PIKFYVE: variants seen among roughly 807,000 people sequenced by gnomAD.
PIKFYVE encodes the protein 1-phosphatidylinositol 3-phosphate 5-kinase.
A neutral mutation model predicts 257.9 loss-of-function variants in PIKFYVE; 122 were observed. The observed-to-expected ratio is 0.47, with a 90% CI of 0.41 to 0.55. PIKFYVE has a LOEUF of 0.55. Ranked by LOEUF, PIKFYVE falls within the 20% of genes least tolerant of loss-of-function variation. PIKFYVE has a pLI of 0.00. For missense variants in PIKFYVE, 2,160 were observed against 2,536.6 expected (o/e 0.85, Z 3.19); for synonymous variants, 892 against 868.9 (o/e 1.03, Z -0.47).
chr2:208,297,170 G>C (rs953206079), intron 7 of PIKFYVE, among the ~76,000 whole-genome samples: 1 of 152,098 alleles, frequency 6.6e-6, no homozygotes, highest in African/African-American at 2.4e-5. Context: ...CAGTATTCTT[G>C]CTACTAGGCT....
chr2:208,288,924 C>G lies in PIKFYVE; in HGVS notation c.911+106C>G, dbSNP rs201481407. On this transcript the variant is annotated intron_variant, in intron 7 of 41. Coordinates refer to ENST00000264380, the MANE Select transcript of PIKFYVE (RefSeq NM_015040.4). ...GGTGGGATTGATTGTCATATACTTC[C>G]GTAGCTCTAAAAGCTGAATTAAACT... 2.2e-6 allele frequency: 3 copies of G among 1,368,296 alleles called. No individual in the cohort carries two copies. The East Asian group carries it at 7.0e-5, about 32-fold the overall frequency. 84.8% of individuals were successfully genotyped at this position (1,368,296 alleles called of 1,614,324 possible).
chr2:208,288,875 T>C, intron 7 of PIKFYVE, 57 bp downstream of exon 7: 2 of 1,594,482 alleles, frequency 1.3e-6, no homozygotes, highest in Non-Finnish European at 1.7e-6. Context: ...TTCATGCTAA[T>C]AAGAAGAACA....
chr2:208,338,682 T>C, intron 29 of PIKFYVE, 114 bp downstream of exon 29: 1 of 974,886 alleles, frequency 1.0e-6, no homozygotes, highest in Non-Finnish European at 1.6e-6. Context: ...CATAGACTTC[T>C]TTTCCTTCCT....
At chr2:208,280,935 G>A (rs180743723) in intron 5 of PIKFYVE, among the ~76,000 whole-genome samples, 2 of 152,202 alleles carry the variant, frequency 1.3e-5, no homozygotes, top group African/African-American at 2.4e-5. Flanking sequence ...TGTCTTTGGC[G>A]ACTAAAGTGC....
chr2:208,357,182 A>C lies in PIKFYVE; in HGVS notation c.*1877A>C, dbSNP rs549890331. 1 of 152,370 alleles carries C rather than the reference A, an allele frequency of 6.6e-6. No homozygotes were observed. The highest frequency in any genetic ancestry group is 1.9e-4 in the East Asian group (1 of 5,190). The allele number at this position is 152,370 out of a possible 1,614,324, so 9.4% of individuals were successfully genotyped here. The stretch of plus-strand genomic sequence containing the variant: ...TATTAAAGGAGCTGTACAGAGGTAA[A>C]AAAATAAATGTGGAACATTATTAAC... On this transcript the variant is annotated 3_prime_UTR_variant, in exon 42 of 42. Coordinates refer to ENST00000264380, the MANE Select transcript of PIKFYVE (RefSeq NM_015040.4).
At chr2:208,317,399 T>C (rs1043898481) in intron 15 of PIKFYVE, among the ~76,000 whole-genome samples, 1 of 148,708 alleles carries the variant, frequency 6.7e-6, no homozygotes, top group Non-Finnish European at 1.5e-5. Context: ...TCACTGGCCA[T>C]CAGAGAAATG....
intron 4 of PIKFYVE, 36 bp downstream of exon 4, chr2:208,276,866 G>A (rs1475554950): frequency 2.0e-6 from 3 of 1,537,500 alleles, no homozygotes; most frequent in Admixed American, 3.4e-5. Context: ...TACTTATTAA[G>A]CGCTTATGGG....
intron 37 of PIKFYVE, 87 bp from the exon 38 acceptor site, chr2:208,351,265 C>G: frequency 8.9e-7 from 1 of 1,128,236 alleles, no homozygotes; most frequent in Admixed American, 1.8e-5. Flanking sequence ...ATAAAACAAC[C>G]TAATCATTTA....
chr2:208,337,083 C>T (rs1005346840), intron 28 of PIKFYVE, among the ~76,000 whole-genome samples, 155 bp downstream of exon 28: 1 of 151,990 alleles, frequency 6.6e-6, no homozygotes, highest in African/African-American at 2.4e-5. Flanking sequence ...GAACTATGAC[C>T]TGGATTACTT....
In PIKFYVE at chr2:208,300,787, A is replaced by G. The variant is rs536474999; in HGVS notation, c.1051-150A>G. 1,183 of 928,856 alleles carry G rather than the reference A, an allele frequency of 1.3e-3. 3 individuals are homozygous for G. The highest frequency in any genetic ancestry group is 1.9e-3 in the Non-Finnish European group (1,115 of 599,082). The allele number at this position is 928,856 out of a possible 1,614,324, so 57.5% of individuals were successfully genotyped here. Reference sequence around the variant, plus strand: ...CAGAGTTCAAGCTGTTCCCACGTATATGACATTTGTATTAAATTGTGTGAG... The same window carrying G: ...CAGAGTTCAAGCTGTTCCCACGTATGTGACATTTGTATTAAATTGTGTGAG... On this transcript the variant is annotated intron_variant, in intron 8 of 41. Coordinates refer to ENST00000264380, the MANE Select transcript of PIKFYVE (RefSeq NM_015040.4).
intron 24 of PIKFYVE, 74 bp downstream of exon 24, chr2:208,333,567 C>T (rs569189622): frequency 6.8e-7 from 1 of 1,469,172 alleles, no homozygotes; most frequent in East Asian, 2.3e-5. Flanking sequence ...ACATTTTCAC[C>T]ATTACTAGAT....
In PIKFYVE at chr2:208,353,922, A is replaced by G; in HGVS notation, c.5869A>G (p.Arg1957Gly). 1 of 1,613,956 alleles carries G rather than the reference A, an allele frequency of 6.2e-7. No individual in the cohort carries two copies. Among genetic ancestry groups the G allele is most frequent in the Non-Finnish European group, 8.5e-7 (1 of 1,179,940 alleles). ...GGTTTTTGATTTGAAGGGCTCTCTT[A>G]GGAATCGGAATGTAAAAACTGACAC... ...AQVFDLKGSL[R>G]NRNVKTDTGK... The change falls in exon 40 of 42, where the codon AGG becomes GGG. Residue 1957 changes from arginine to glycine, a missense_variant. Arg to Gly is a moderately radical substitution (Grantham distance 125). Around this residue, in one of 12 missense-constraint regions of PIKFYVE, gnomAD observed 699 missense variants for 855.8 expected, o/e 0.82. Coordinates refer to ENST00000264380, the MANE Select transcript of PIKFYVE (RefSeq NM_015040.4).
chr2:208,348,055 T>C lies in PIKFYVE; in HGVS notation c.5374+32T>C, dbSNP rs750368501. ...TAAAGAAGAGTAAATGTGCTTATTC[T>C]ATGCTTTGATTTATTTATTTTAGTT... On this transcript the variant is annotated intron_variant, in intron 35 of 41. Transcript: ENST00000264380. The C allele has an allele frequency of 1.9e-6, 3 of 1,607,604 alleles. No homozygotes were observed. The South Asian group carries it at 3.3e-5, about 18-fold the overall frequency.
chr2:208,282,891 A>G (rs765830367), intron 5 of PIKFYVE, among the ~76,000 whole-genome samples: 1 of 152,048 alleles, frequency 6.6e-6, no homozygotes, highest in Non-Finnish European at 1.5e-5. Flanking sequence ...CAGGCATTAG[A>G]TTCTCGTAAG....
chr2:208,342,322 C>A (rs1698787916), intron 31 of PIKFYVE, among the ~76,000 whole-genome samples: 1 of 152,038 alleles, frequency 6.6e-6, no homozygotes, highest in Non-Finnish European at 1.5e-5. Context: ...ATTAGTGTGG[C>A]CAGAGTCTTG....
chr2:208,290,220 T>C (rs1341854581), intron 7 of PIKFYVE, among the ~76,000 whole-genome samples: 5 of 152,244 alleles, frequency 3.3e-5, no homozygotes, highest in Non-Finnish European at 7.3e-5. Context: ...CGTCTGTCAT[T>C]GTTGTATCCT....
chr2:208,266,067 G>A (rs114625385), upstream of PIKFYVE: 1,807 of 152,714 alleles, frequency 0.012, 13 homozygotes, highest in Non-Finnish European at 0.018. Flanking sequence ...CAGTCCCCCT[G>A]GCTTCTTCCA....
At chr2:208,294,926 C>T (rs1188476767) in intron 7 of PIKFYVE, among the ~76,000 whole-genome samples, 3 of 152,218 alleles carry the variant, frequency 2.0e-5, no homozygotes, top group Non-Finnish European at 4.4e-5. Flanking sequence ...ACTGTGAGGA[C>T]GTGGTAGATC....
At chr2:208,308,503 GTCA>G (rs1231616943) in intron 12 of PIKFYVE, among the ~76,000 whole-genome samples, 1 of 151,844 alleles carries the variant, frequency 6.6e-6, no homozygotes, top group African/African-American at 2.4e-5. Flanking sequence ...ATTAACTGTA[GTCA>G]TCATGCTGTA....
Sources: gnomAD v4.1 joint callset for allele counts (sites outside exome capture counted in the v4.1 genomes callset) on GRCh38, gnomAD v4.1.1 for gene constraint, gnomAD v4.1.1 regional missense constraint, MANE v1.5 for transcripts, NCBI Gene and HGNC (gene_info 2026-07-23, HGNC 2026-07-21) for gene names.